Variants in ZCCHC14 observed in about 807,000 individuals in gnomAD.
ZCCHC14 encodes zinc finger CCHC-type containing 14.
Under a neutral mutation model 85.0 loss-of-function variants are expected in ZCCHC14, and 16 were observed. The ratio of observed to expected loss-of-function variants is 0.19; its 90% CI spans 0.13 to 0.29. The LOEUF is 0.29. Ranked by LOEUF, ZCCHC14 falls within the 10% of genes least tolerant of loss-of-function variation. The pLI is 1.00. For synonymous variants in ZCCHC14, 775 were observed against 630.7 expected (o/e 1.23, Z -3.43); for missense variants, 1,303 against 1,443.5 (o/e 0.90, Z 1.58).
intron 1 of ZCCHC14, chr16:87,467,674 T>C (rs1166163912): frequency 9.5e-6 from 8 of 844,044 alleles, no homozygotes; most frequent in Non-Finnish European, 1.4e-5. Context: ...TCTTTTGAGA[T>C]GGAGTCTCGC....
Position 87,446,222 on chromosome 16 carries a change from G to A in ZCCHC14, c.695-13021C>T, listed in dbSNP as rs969496584. ...AAATTGGCAGGGTGCGGTGGCTCAC[G>A]CCTGTAATCCCAGCACTTTGGGAGA... On this transcript the variant is annotated intron_variant, in intron 2 of 12. Coordinates refer to ENST00000671377, the MANE Select transcript of ZCCHC14 (RefSeq NM_015144.3). Among the ~76,000 whole-genome samples, 4 of 150,844 alleles carry A rather than the reference G, an allele frequency of 2.7e-5. No homozygotes were observed. In the East Asian group the frequency reaches 7.8e-4, roughly 30 times the overall value.
At chr16:87,417,106 T>A (rs8044605) in intron 8 of ZCCHC14, among the ~76,000 whole-genome samples, 13,910 of 152,228 alleles carry the variant, frequency 0.091, 2,123 homozygotes, top group African/African-American at 0.31. Flanking sequence ...CCCGCCGCAG[T>A]GTCTGCGCCA....
intron 2 of ZCCHC14, among the ~76,000 whole-genome samples, chr16:87,436,434 G>C (rs1909924956): frequency 1.3e-5 from 2 of 152,262 alleles, no homozygotes; most frequent in South Asian, 4.1e-4. Context: ...GAGCCTGGGA[G>C]AGAGGGAAGA....
chr16:87,421,676 T>C (rs1478106000), intron 4 of ZCCHC14, among the ~76,000 whole-genome samples: 1 of 152,016 alleles, frequency 6.6e-6, no homozygotes, highest in Non-Finnish European at 1.5e-5. Context: ...GGCTGAAAGC[T>C]GGGAGTGAAG....
chr16:87,465,432 A>C (rs2150764053), intron 1 of ZCCHC14, among the ~76,000 whole-genome samples: 1 of 152,338 alleles, frequency 6.6e-6, no homozygotes, highest in Admixed American at 6.5e-5. Flanking sequence ...ACATCTACAA[A>C]GCGCTAACCC....
At chr16:87,453,002 C>T (rs916030531) in intron 2 of ZCCHC14, among the ~76,000 whole-genome samples, 13 of 152,180 alleles carry the variant, frequency 8.5e-5, no homozygotes, top group Admixed American at 7.9e-4. Flanking sequence ...CAGAGGGGGA[C>T]GCCAAGCACC....
At chr16:87,446,879 G>A (rs933006512) in intron 2 of ZCCHC14, among the ~76,000 whole-genome samples, 5 of 151,924 alleles carry the variant, frequency 3.3e-5, no homozygotes, top group South Asian at 2.1e-4. Flanking sequence ...AGAGACGGGG[G>A]TTTCACCATG....
intron 1 of ZCCHC14, among the ~76,000 whole-genome samples, chr16:87,477,275 C>A (rs1467565182): frequency 6.6e-6 from 1 of 152,174 alleles, no homozygotes; most frequent in Non-Finnish European, 1.5e-5. Flanking sequence ...TATCAGACTG[C>A]GGTACTGAGG....
In ZCCHC14 at chr16:87,460,171, G is replaced by A. The variant is rs759666532; in HGVS notation, c.571-40C>T. On this transcript the variant is annotated intron_variant, in intron 1 of 12. Coordinates refer to ENST00000671377, the MANE Select transcript of ZCCHC14 (RefSeq NM_015144.3). ...ACAGAATCATCTTATTTTCTCCCAC[G>A]GAGTTAATAGGGGACAATTTTATTT... is the stretch of plus-strand genomic sequence containing the variant. 84 of 1,594,934 alleles carry A rather than the reference G, an allele frequency of 5.3e-5. No homozygotes were observed. The Admixed American group carries it at 9.0e-4, about 17-fold the overall frequency.
chr16:87,479,126 C>G (rs1912152957), intron 1 of ZCCHC14, among the ~76,000 whole-genome samples: 1 of 151,880 alleles, frequency 6.6e-6, no homozygotes, highest in Non-Finnish European at 1.5e-5. Context: ...ATTAAGAAAC[C>G]TAAGGATAGG....
intron 1 of ZCCHC14, among the ~76,000 whole-genome samples, chr16:87,466,125 G>A (rs1394363869): frequency 6.7e-6 from 1 of 150,126 alleles, no homozygotes; most frequent in Non-Finnish European, 1.5e-5. Flanking sequence ...AGGTATTTAC[G>A]CTTTTTTTTA....
Position 87,417,768 on chromosome 16 carries a change from CAG to C in ZCCHC14, c.1101-28_1101-27del, listed in dbSNP as rs755641678. ...CTGTGGGACAGGGGCAGGAGGGACA[CAG>C]AGAGACTGTGGCTTCCACAACCACA... On this transcript the variant is annotated intron_variant, in intron 7 of 12. Coordinates refer to ENST00000671377, the MANE Select transcript of ZCCHC14 (RefSeq NM_015144.3). 4.5e-6 allele frequency: 7 copies of C among 1,542,694 alleles called. No individual in the cohort carries two copies. In the South Asian group the frequency reaches 7.4e-5, roughly 16 times the overall value.
rs1465130823 is a variant in ZCCHC14 at position 87,491,317 on chromosome 16, C to T, written c.570+352G>A. On this transcript the variant is annotated intron_variant, in intron 1 of 12. Transcript: ENST00000671377. This position sits in a 1 kb window ranked among gnomAD's most constrained non-coding sequence, Gnocchi z 5.9. ...GCAGAGGGGACTGAGGGTGTGGGCTCAGGGCCGCGGTGCGGTCTTGGGGCT... is the reference window on the plus strand; with the variant it reads ...GCAGAGGGGACTGAGGGTGTGGGCTTAGGGCCGCGGTGCGGTCTTGGGGCT... Among the ~76,000 whole-genome samples, 1 of 152,194 alleles carries T rather than the reference C, an allele frequency of 6.6e-6. No individual in the cohort carries two copies. Among genetic ancestry groups the T allele is most frequent in the Non-Finnish European group, 1.5e-5 (1 of 68,036 alleles).
chr16:87,491,912 G>A lies in ZCCHC14; in HGVS notation c.327C>T (p.Leu109=), dbSNP rs1173587480. Residue 109 remains leucine, a synonymous_variant, in exon 1 of 13, where the codon CTC becomes CTT. Coordinates refer to ENST00000671377, the MANE Select transcript of ZCCHC14 (RefSeq NM_015144.3). This position sits in a 1 kb window ranked among gnomAD's most constrained non-coding sequence, Gnocchi z 5.9. ...REAAGVLYRT[L]THIDSIIHNY... is the part of the protein sequence containing the mutation. ...TGTGGATGATGGAGTCGATGTGCGT[G>A]AGCGTGCGGTAGAGCACGCCCGCCG... 3.3e-6 allele frequency: 5 copies of A among 1,513,330 alleles called. No homozygotes were observed. The East Asian group carries it at 1.1e-4, about 33-fold the overall frequency. 93.7% of individuals were successfully genotyped at this position (1,513,330 alleles called of 1,614,324 possible).
chr16:87,468,158 G>GT (rs915969802), intron 1 of ZCCHC14, among the ~76,000 whole-genome samples: 2 of 152,158 alleles, frequency 1.3e-5, no homozygotes, highest in East Asian at 1.9e-4. Context: ...AGATTCATGT[G>GT]TTTTTTTATA....
chr16:87,412,173 G>A lies in ZCCHC14; in HGVS notation c.2548C>T (p.Pro850Ser). The A allele has an allele frequency of 6.2e-7, 1 of 1,614,088 alleles. No homozygotes were observed. The highest frequency in any genetic ancestry group is 8.5e-7 in the Non-Finnish European group (1 of 1,180,042). ...NSNTASPSSH[P>S]STSFANMATL... ...GCCATGTTGGCAAAGGACGTGGAGG[G>A]GTGGCTGCTGGGAGAGGCAGTGTTG... is the stretch of plus-strand genomic sequence containing the variant. Residue 850 changes from proline to serine, a missense_variant, in exon 12 of 13, where the codon CCC becomes TCC. By Grantham distance (74) the Pro-to-Ser change is moderately conservative (BLOSUM62 -1). Transcript: ENST00000671377.
intron 2 of ZCCHC14, among the ~76,000 whole-genome samples, chr16:87,439,671 T>C (rs958619801): frequency 1.3e-5 from 2 of 152,200 alleles, no homozygotes; most frequent in Non-Finnish European, 2.9e-5. Flanking sequence ...TAGGTATAAC[T>C]ATGAGATATC....
chr16:87,482,417 G>A (rs1374214135), intron 1 of ZCCHC14, among the ~76,000 whole-genome samples: 3 of 152,230 alleles, frequency 2.0e-5, no homozygotes, highest in African/African-American at 7.2e-5. Context: ...AAAACCAGCA[G>A]TGCCAGAACT....
At chr16:87,468,677 T>G (rs1911641462) in intron 1 of ZCCHC14, among the ~76,000 whole-genome samples, 1 of 152,186 alleles carries the variant, frequency 6.6e-6, no homozygotes, top group South Asian at 2.1e-4. Flanking sequence ...GGTTCTCAAC[T>G]GGGGGAAATT....
Sources: allele counts gnomAD v4.1 joint callset (sites outside exome capture counted in the v4.1 genomes callset), GRCh38; gene constraint gnomAD v4.1.1; non-coding constraint Gnocchi (gnomAD v3.1); transcripts MANE v1.5; gene names NCBI Gene and HGNC (gene_info 2026-07-23, HGNC 2026-07-21).